Variants in CDHR1 observed in about 807,000 individuals in gnomAD.
The protein encoded by CDHR1 is cadherin related family member 1, also known as cadherin-related family member 1.
A neutral mutation model predicts 72.1 loss-of-function variants in CDHR1; 61 were observed. That is an observed-to-expected ratio of 0.85 (90% CI 0.69 to 1.05). CDHR1 has a LOEUF of 1.05. Ranked by LOEUF, CDHR1 falls within the 50% of genes least tolerant of loss-of-function variation. The probability of loss-of-function intolerance (pLI) is 0.00; values close to 1 mark genes in which losing one functional copy is unlikely to be tolerated. For missense variants in CDHR1, 1,186 were observed against 1,115.7 expected (o/e 1.06, Z -0.90); for synonymous variants, 470 against 448.1 (o/e 1.05, Z -0.62).
At chr10:84,211,465 C>T (rs1029576665) in intron 13 of CDHR1, among the ~76,000 whole-genome samples, 183 bp from the exon 14 acceptor site, 2 of 152,188 alleles carry the variant, frequency 1.3e-5, no homozygotes, top group Non-Finnish European at 2.9e-5. Context: ...TTGGCTCTTT[C>T]AATACTTAAA....
At chr10:84,212,475 A>G in intron 15 of CDHR1, 68 bp downstream of exon 15, 2 of 1,350,668 alleles carry the variant, frequency 1.5e-6, no homozygotes, top group Non-Finnish European at 2.1e-6. Context: ...ATACTGAGGC[A>G]TAAGAATTTC....
Position 84,205,869 on chromosome 10 carries a change from T to A in CDHR1, c.905T>A (p.Ile302Asn). The A allele has an allele frequency of 6.2e-7, 1 of 1,614,084 alleles. No individual in the cohort carries two copies. The highest frequency in any genetic ancestry group is 8.5e-7 in the Non-Finnish European group (1 of 1,179,992). The change falls in exon 10 of 17, where the codon ATC becomes AAC. Residue 302 changes from isoleucine to asparagine, a missense_variant. Transcript: ENST00000623527. The stretch of plus-strand genomic sequence containing the variant: ...GAAATTAATGAGACATCTGGAGCCA[T>A]CTCCATCACTCAGAGCCCGGCCCAG... ...AFEINETSGA[I>N]SITQSPAQLQ...
In CDHR1 at chr10:84,195,609, G is replaced by C; in HGVS notation, c.151+20G>C. On this transcript the variant is annotated intron_variant, in intron 2 of 16. Transcript: ENST00000623527. Reference sequence around the variant, plus strand: ...CTGTAGGTGAGTAGCCCTGGCACCTGCTCCCGATAGGTCTCCCTGAGGGGT... The same window carrying C: ...CTGTAGGTGAGTAGCCCTGGCACCTCCTCCCGATAGGTCTCCCTGAGGGGT... 1 of 1,594,196 alleles carries C rather than the reference G, an allele frequency of 6.3e-7. No individual in the cohort carries two copies. Among genetic ancestry groups the C allele is most frequent in the South Asian group, 1.1e-5 (1 of 90,446 alleles).
At chr10:84,213,377 G>C (rs1842372820) in intron 16 of CDHR1, 29 bp downstream of exon 16, 7 of 1,613,892 alleles carry the variant, frequency 4.3e-6, no homozygotes, top group Non-Finnish European at 5.1e-6. Context: ...TCAGGAAAAA[G>C]GGGTCAGCAG....
rs1842447973 is a variant in CDHR1, at chr10:84,217,742, A to G, written c.*3121A>G. The G allele has an allele frequency of 2.0e-6, 2 of 985,346 alleles. No individual in the cohort carries two copies. Among genetic ancestry groups the G allele is most frequent in the South Asian group, 9.4e-5 (2 of 21,282 alleles). 61.0% of individuals were successfully genotyped at this position (985,346 alleles called of 1,614,324 possible). On this transcript the variant is annotated 3_prime_UTR_variant, in exon 17 of 17. Transcript: ENST00000623527. ...GTTTCCACCCACCTGTAGGTCCAGA[A>G]GCTTTTACTTCATGCTAGAAAAAGA... is the stretch of plus-strand genomic sequence containing the variant.
intron 6 of CDHR1, 30 bp downstream of exon 6, chr10:84,200,717 G>T (rs989106543): frequency 5.8e-6 from 9 of 1,545,968 alleles, no homozygotes; most frequent in Non-Finnish European, 8.0e-6. Context: ...ACCTAACCTG[G>T]GGCTGGGCCG....
In CDHR1 at chr10:84,208,271, A is replaced by G. The variant is rs779184899; in HGVS notation, c.1061A>G (p.Tyr354Cys). 6.2e-6 allele frequency: 10 copies of G among 1,614,120 alleles called. No homozygotes were observed. Among genetic ancestry groups the G allele is most frequent in the East Asian group, 2.2e-5 (1 of 44,858 alleles). ...VDLNNHPPTF[Y>C]GESGPQNRFE... ...CTCAACAACCACCCGCCAACATTCT[A>G]TGGAGAGAGCGGACCCCAAAACAGG... The change falls in exon 11 of 17, where the codon TAT (tyrosine) becomes TGT (cysteine). Residue 354 changes from tyrosine to cysteine, a missense_variant. Tyr to Cys is a radical substitution (Grantham distance 194). Coordinates refer to ENST00000623527, the MANE Select transcript of CDHR1 (RefSeq NM_033100.4).
chr10:84,218,882 T>C (rs551356557), downstream of CDHR1, among the ~76,000 whole-genome samples: 1 of 152,294 alleles, frequency 6.6e-6, no homozygotes, highest in South Asian at 2.1e-4. Context: ...CTGATGTAGA[T>C]GCCTGAAATG....
downstream of CDHR1, chr10:84,219,252 T>C: frequency 6.4e-7 from 1 of 1,550,800 alleles, no homozygotes; most frequent in Non-Finnish European, 8.7e-7. Context: ...CTAGAGTTTT[T>C]CAAGGGGCAG....
Position 84,216,230 on chromosome 10 carries a change from A to T in CDHR1, c.*1609A>T. The T allele has an allele frequency of 1.0e-6, 1 of 985,494 alleles. No homozygotes were observed. Among genetic ancestry groups the T allele is most frequent in the East Asian group, 1.1e-4 (1 of 8,818 alleles). 61.0% of individuals were successfully genotyped at this position (985,494 alleles called of 1,614,324 possible). On this transcript the variant is annotated 3_prime_UTR_variant, in exon 17 of 17. Transcript: ENST00000623527. ...TGGTGATTTCATTTAAAGAGATTGT[A>T]TGCATTTGTGGCTTTCCTGATTTCT...
rs1842159225 is a variant in CDHR1, at chr10:84,203,098, G to T, written c.758G>T (p.Gly253Val). 6.2e-7 allele frequency: 1 copy of T among 1,614,104 alleles called. No homozygotes were observed. Among genetic ancestry groups the T allele is most frequent in the Admixed American group, 1.7e-5 (1 of 60,010 alleles). The change falls in exon 8 of 17, where the codon GGC becomes GTC. Residue 253 changes from glycine to valine, a missense_variant. Physicochemically the swap from Gly to Val is moderately radical, Grantham distance 109 (BLOSUM62 -3). Transcript: ENST00000623527. ...GTCTTCGTGGGCACACCCTACTATG[G>T]CTATGTGTACGAGGACACCCTTCCG... ...APVFVGTPYY[G>V]YVYEDTLPGS...
chr10:84,204,951 A>T (rs1181734813), intron 9 of CDHR1, among the ~76,000 whole-genome samples: 1 of 152,130 alleles, frequency 6.6e-6, no homozygotes, highest in African/African-American at 2.4e-5. Context: ...ATTCTTTTTA[A>T]TTGTTATCCC....
rs1233218157 is a variant in CDHR1 at position 84,215,272 on chromosome 10, CAG to C, written c.*654_*655del. ...TGGACCCTGGTATGCCCACGTGGGA[CAG>C]AGGACACAGAGGTGGAAGATTGATC... On this transcript the variant is annotated 3_prime_UTR_variant, in exon 17 of 17. Coordinates refer to ENST00000623527, the MANE Select transcript of CDHR1 (RefSeq NM_033100.4). 6.1e-6 allele frequency: 6 copies of C among 988,928 alleles called. No homozygotes were observed. The highest frequency in any genetic ancestry group is 5.9e-5 in the Admixed American group (1 of 17,084). The allele number at this position is 988,928 out of a possible 1,614,324, so 61.3% of individuals were successfully genotyped here. A position where few individuals can be genotyped will look rare whatever the true frequency, so the allele number is the denominator to read the frequency against.
chr10:84,201,057 C>T (rs561219531), intron 6 of CDHR1, among the ~76,000 whole-genome samples: 23 of 152,180 alleles, frequency 1.5e-4, no homozygotes, highest in Non-Finnish European at 2.8e-4. Context: ...AGCTCTGATT[C>T]CCCTAACAAC....
chr10:84,194,907 C>T, intron 1 of CDHR1, 92 bp downstream of exon 1: 3 of 1,240,918 alleles, frequency 2.4e-6, no homozygotes, highest in Non-Finnish European at 3.4e-6. Flanking sequence ...TGGTCCTGGA[C>T]CACTTCCAGA....
chr10:84,196,391 C>T, intron 2 of CDHR1, 114 bp from the exon 3 acceptor site: 2 of 1,136,870 alleles, frequency 1.8e-6, no homozygotes, highest in Non-Finnish European at 1.3e-6. Context: ...GTACCTTTGG[C>T]ACTGAGTTGA....
At chr10:84,195,676 A>G (rs2132785426) in intron 2 of CDHR1, 87 bp downstream of exon 2, 2 of 1,158,396 alleles carry the variant, frequency 1.7e-6, no homozygotes, top group Non-Finnish European at 2.6e-6. Flanking sequence ...GCACCACCCA[A>G]GTTGCTGCGC....
At chr10:84,210,213 C>G (rs971626532) in intron 12 of CDHR1, among the ~76,000 whole-genome samples, 2 of 150,752 alleles carry the variant, frequency 1.3e-5, no homozygotes, top group African/African-American at 2.4e-5. Flanking sequence ...AGCCAAGACT[C>G]GTTTTTTTTG....
In CDHR1 at chr10:84,217,350, A is replaced by G. The variant is rs1198401767; in HGVS notation, c.*2729A>G. 1.0e-6 allele frequency: 1 copy of G among 985,458 alleles called. No homozygotes were observed. The highest frequency in any genetic ancestry group is 1.2e-6 in the Non-Finnish European group (1 of 829,946). The allele number at this position is 985,458 out of a possible 1,614,324, so 61.0% of individuals were successfully genotyped here. Reference sequence around the variant, plus strand: ...GGAGCTGTAGCCTCATGGACAATAAATGGATGTGACACCAAATACTCTGCA... The same window carrying G: ...GGAGCTGTAGCCTCATGGACAATAAGTGGATGTGACACCAAATACTCTGCA... On this transcript the variant is annotated 3_prime_UTR_variant, in exon 17 of 17. Transcript: ENST00000623527.
Sources: allele counts gnomAD v4.1 joint callset (sites outside exome capture counted in the v4.1 genomes callset), GRCh38; gene constraint gnomAD v4.1.1; transcripts MANE v1.5; gene names NCBI Gene and HGNC (gene_info 2026-07-23, HGNC 2026-07-21).